TEX11: variants seen among roughly 807,000 people sequenced by gnomAD.
The protein encoded by TEX11 is testis expressed 11, also known as testis-expressed protein 11.
A neutral mutation model predicts 84.4 loss-of-function variants in TEX11; 7 were observed. That is an observed-to-expected ratio of 0.08 (90% CI 0.05 to 0.16). TEX11 has a LOEUF of 0.16. Ranked by LOEUF, TEX11 falls within the 10% of genes least tolerant of loss-of-function variation. The pLI is 1.00. For missense variants in TEX11, 551 were observed against 660.5 expected (o/e 0.83, Z 1.82); for synonymous variants, 264 against 222.8 (o/e 1.18, Z -1.64).
intron 11 of TEX11, among the ~76,000 whole-genome samples, chrX:70,727,022 T>C (rs1475837866): frequency 9.0e-6 from 1 of 111,212 alleles, no homozygotes; most frequent in Non-Finnish European, 1.9e-5. Context: ...TTTTGTTTGC[T>C]GATTTTTTTC....
chrX:70,579,523 A>AC (rs111295824), intron 25 of TEX11, among the ~76,000 whole-genome samples: 9,199 of 26,767 alleles, frequency 0.34, 859 homozygotes, highest in African/African-American at 0.49. Flanking sequence ...AAAAAACAAA[A>AC]AAAAAAAAAA....
At chrX:70,602,611 C>A (rs1243161632) in intron 24 of TEX11, among the ~76,000 whole-genome samples, 48 of 104,554 alleles carry the variant, frequency 4.6e-4, no homozygotes, top group African/African-American at 1.6e-3. Flanking sequence ...AATGGGCAAA[C>A]ACTGGAAGCA....
intron 7 of TEX11, among the ~76,000 whole-genome samples, chrX:70,839,100 A>C (rs1163079612): frequency 8.9e-6 from 1 of 112,487 alleles, no homozygotes; most frequent in African/African-American, 3.2e-5. Context: ...GCAGTAACCT[A>C]TGCAGACTTA....
rs753692491 is a variant in TEX11 at position 70,775,126 on chromosome X, T to A, written c.693-30907A>T. 6.3e-5 allele frequency among the ~76,000 whole-genome samples: 7 copies of A among 111,780 alleles called. No homozygotes were observed. In the South Asian group the frequency reaches 2.6e-3, roughly 42 times the overall value. On this transcript the variant is annotated intron_variant, in intron 9 of 29. Transcript: ENST00000374333. ...CTTCAATAAATGGTGCTAGGAAAAT[T>A]AGATATCCATATGCAGGAGAAAAAA...
intron 27 of TEX11, among the ~76,000 whole-genome samples, chrX:70,552,888 G>T (rs747140753): frequency 9.0e-6 from 1 of 111,383 alleles, no homozygotes; most frequent in African/African-American, 3.3e-5. Context: ...CCAGGAGTTT[G>T]AATCCAGCCT....
chrX:70,609,933 T>C (rs1488663782), intron 21 of TEX11, among the ~76,000 whole-genome samples: 4 of 109,886 alleles, frequency 3.6e-5, no homozygotes, highest in Non-Finnish European at 7.6e-5. Context: ...AAATTATTAG[T>C]AGATAAGGGA....
intron 9 of TEX11, among the ~76,000 whole-genome samples, chrX:70,788,294 T>C (rs2091092226): frequency 9.0e-6 from 1 of 111,316 alleles, no homozygotes. Context: ...TAAAACAACA[T>C]GGTAGTGGCA....
intron 17 of TEX11, among the ~76,000 whole-genome samples, chrX:70,635,619 G>A (rs1332013485): frequency 8.9e-6 from 1 of 112,287 alleles, no homozygotes; most frequent in Non-Finnish European, 1.9e-5. Context: ...ATTGCTGCCA[G>A]TATGAAGCTG....
In TEX11 at chrX:70,724,226, T is replaced by C. The variant is rs1276340334; in HGVS notation, c.925+1036A>G. ...TTAGTTGGTTTGTTTATTCCCCCAA[T>C]GCAAAAAAGTAGAGTTGTCTTCCTG... On this transcript the variant is annotated intron_variant, in intron 12 of 29. Coordinates refer to ENST00000374333, the MANE Select transcript of TEX11 (RefSeq NM_031276.3). The C allele has an allele frequency of 4.0e-6, 3 of 752,775 alleles. No homozygotes were observed. In the Middle Eastern group the frequency reaches 2.3e-3, roughly 570 times the overall value. The allele number at this position is 752,775 out of a possible 1,213,427, so 62.0% of individuals were successfully genotyped here.
intron 5 of TEX11, among the ~76,000 whole-genome samples, chrX:70,859,580 CAAAAAAAAAAAA>C (rs760041212): frequency 2.9e-5 from 1 of 35,057 alleles, no homozygotes; most frequent in Non-Finnish European, 7.0e-5. Flanking sequence ...AGATCCTGTC[CAAAAAAAAAAAA>C]AAAAAAAAAG....
chrX:70,567,241 G>T (rs5936925), intron 25 of TEX11, among the ~76,000 whole-genome samples: 46,762 of 108,845 alleles, frequency 0.43, 8,364 homozygotes, highest in East Asian at 0.6. Flanking sequence ...CTGTGGGATC[G>T]GTGGTGATAT....
chrX:70,667,416 T>C (rs1437285849), intron 16 of TEX11, among the ~76,000 whole-genome samples: 1 of 112,285 alleles, frequency 8.9e-6, no homozygotes, highest in Non-Finnish European at 1.9e-5. Context: ...TAAAGGTTTT[T>C]ATATATTTTG....
At chrX:70,782,923 A>C (rs1464270147) in intron 9 of TEX11, among the ~76,000 whole-genome samples, 1 of 111,158 alleles carries the variant, frequency 9.0e-6, no homozygotes, top group African/African-American at 3.3e-5. Flanking sequence ...CAGATCAACA[A>C]GACAGATGGT....
chrX:70,627,921 T>C (rs1003877663), intron 18 of TEX11, among the ~76,000 whole-genome samples: 1 of 111,656 alleles, frequency 9.0e-6, no homozygotes, highest in Admixed American at 9.5e-5. Context: ...TCCTCCCCTA[T>C]AGCATCAACA....
chrX:70,544,435 G>A (rs1318799769), intron 28 of TEX11, among the ~76,000 whole-genome samples: 1 of 110,822 alleles, frequency 9.0e-6, no homozygotes, highest in Non-Finnish European at 1.9e-5. Flanking sequence ...GCTGAGGTGG[G>A]AGGATTGATT....
intron 13 of TEX11, among the ~76,000 whole-genome samples, chrX:70,711,170 TC>T (rs1440651972): frequency 1.8e-5 from 2 of 111,652 alleles, no homozygotes. Context: ...TGCCACATTT[TC>T]TTAATCCAGT....
intron 24 of TEX11, among the ~76,000 whole-genome samples, chrX:70,604,405 A>G (rs1178604233): frequency 1.8e-5 from 2 of 111,152 alleles, no homozygotes; most frequent in East Asian, 5.6e-4. Flanking sequence ...TTTTAAAATA[A>G]AAAGACTCTT....
At chrX:70,550,065 TAGCAA>T (rs1475942766) in intron 28 of TEX11, among the ~76,000 whole-genome samples, 3 of 112,566 alleles carry the variant, frequency 2.7e-5, no homozygotes, top group African/African-American at 9.7e-5. Flanking sequence ...TGGAACAGAA[TAGCAA>T]ACCCAGAAAT....
intron 2 of TEX11, among the ~76,000 whole-genome samples, chrX:70,884,352 T>C (rs2091697520): frequency 8.9e-6 from 1 of 111,952 alleles, no homozygotes; most frequent in East Asian, 2.8e-4. Flanking sequence ...AGGAAGGATC[T>C]GGAACAAGTG....
Sources: gnomAD v4.1 joint callset for allele counts (sites outside exome capture counted in the v4.1 genomes callset) on GRCh38, gnomAD v4.1.1 for gene constraint, MANE v1.5 for transcripts, NCBI Gene and HGNC (gene_info 2026-07-23, HGNC 2026-07-21) for gene names.